The following SRFBP1 variants were observed in gnomAD, a reference collection of about 807,000 sequenced individuals.
SRFBP1 encodes serum response factor-binding protein 1.
A neutral mutation model predicts 45.5 loss-of-function variants in SRFBP1; 47 were observed. The ratio of observed to expected loss-of-function variants is 1.03; its 90% CI spans 0.82 to 1.32. SRFBP1 has a LOEUF of 1.32. Among genes scored for constraint, SRFBP1 ranks in the 40% most tolerant of loss-of-function variants. The pLI is 0.00. For missense variants in SRFBP1, 621 were observed against 484.6 expected, an observed-to-expected ratio of 1.28 and a Z score of -2.64; for synonymous variants, 203 against 166.3, an observed-to-expected ratio of 1.22 and a Z score of -1.70.
chr5:121,990,003 T>C (rs969921204), intron 3 of SRFBP1, among the ~76,000 whole-genome samples: 1 of 152,112 alleles, frequency 6.6e-6, no homozygotes, highest in African/African-American at 2.4e-5. Context: ...TTACTGATTT[T>C]ATTTTTCCTC....
chr5:122,019,691 ATATC>A (rs1199113678), intron 5 of SRFBP1, among the ~76,000 whole-genome samples: 8 of 151,360 alleles, frequency 5.3e-5, no homozygotes, highest in African/African-American at 1.9e-4. Context: ...ATTATAAAAT[ATATC>A]TATAAAATGA....
chr5:122,041,175 G>A (rs2112730094), intron 2 of SRFBP1, among the ~76,000 whole-genome samples: 1 of 152,190 alleles, frequency 6.6e-6, no homozygotes, highest in South Asian at 2.1e-4. Flanking sequence ...AAGTGGCTTG[G>A]GCTTGAGTAG....
chr5:122,040,827 A>G (rs907901434), intron 2 of SRFBP1, among the ~76,000 whole-genome samples: 4 of 152,120 alleles, frequency 2.6e-5, no homozygotes, highest in African/African-American at 9.7e-5. Flanking sequence ...TCCCTCCCTC[A>G]ATTTTTCAGA....
chr5:122,003,048 A>G (rs917125173), intron 4 of SRFBP1, among the ~76,000 whole-genome samples: 1 of 152,192 alleles, frequency 6.6e-6, no homozygotes, highest in Non-Finnish European at 1.5e-5. Flanking sequence ...TAATTCATTC[A>G]TAAAGAGAAG....
At chr5:122,021,030 A>G (rs888293602) in intron 6 of SRFBP1, among the ~76,000 whole-genome samples, 10 of 152,220 alleles carry the variant, frequency 6.6e-5, no homozygotes. Context: ...GCCAAATAAT[A>G]TGCCAGCTAA....
chr5:122,048,020 A>G (rs1322377912), intron 2 of SRFBP1, among the ~76,000 whole-genome samples: 2 of 152,054 alleles, frequency 1.3e-5, no homozygotes, highest in African/African-American at 4.8e-5. Context: ...CTCTTTTCCT[A>G]ATTGAGTACC....
At chr5:121,976,299 C>T (rs781316733) in intron 3 of SRFBP1, among the ~76,000 whole-genome samples, 31 of 151,824 alleles carry the variant, frequency 2.0e-4, no homozygotes, top group Non-Finnish European at 4.4e-4. Flanking sequence ...TTCTTCCTTC[C>T]CTCTGCTGCA....
At chr5:121,992,748 C>T (rs1752643867) in intron 3 of SRFBP1, among the ~76,000 whole-genome samples, 1 of 152,064 alleles carries the variant, frequency 6.6e-6, no homozygotes, top group African/African-American at 2.4e-5. Context: ...ATGTTTTCCA[C>T]TTATTAGCCC....
At chr5:122,041,097 A>G (rs1230244283) in intron 2 of SRFBP1, among the ~76,000 whole-genome samples, 3 of 152,182 alleles carry the variant, frequency 2.0e-5, no homozygotes, top group East Asian at 1.9e-4. Flanking sequence ...CAGTTTATCA[A>G]TGACTCATAT....
At chr5:121,988,749 AG>A (rs1408777335) in intron 3 of SRFBP1, among the ~76,000 whole-genome samples, 1 of 152,242 alleles carries the variant, frequency 6.6e-6, no homozygotes, top group Non-Finnish European at 1.5e-5. Context: ...TGTGGCCCAC[AG>A]ACTCAGAGGT....
chr5:121,993,230 T>C (rs1392772692), intron 3 of SRFBP1, among the ~76,000 whole-genome samples: 1 of 152,116 alleles, frequency 6.6e-6, no homozygotes, highest in Non-Finnish European at 1.5e-5. Flanking sequence ...GTTGGCAAAA[T>C]TACCTGCCTG....
At chr5:122,049,741 A>G (rs1034859965) in intron 2 of SRFBP1, among the ~76,000 whole-genome samples, 3 of 152,200 alleles carry the variant, frequency 2.0e-5, no homozygotes, top group South Asian at 2.1e-4. Context: ...ACCGCCAACT[A>G]CATGGAAACT....
At chr5:121,981,895 T>G (rs952986685) in intron 3 of SRFBP1, among the ~76,000 whole-genome samples, 1 of 152,042 alleles carries the variant, frequency 6.6e-6, no homozygotes, top group Non-Finnish European at 1.5e-5. Flanking sequence ...TAATTGTTCC[T>G]AACACCTAGT....
intron 2 of SRFBP1, among the ~76,000 whole-genome samples, chr5:122,072,113 G>A (rs1422996690): frequency 6.6e-6 from 1 of 152,138 alleles, no homozygotes; most frequent in Non-Finnish European, 1.5e-5. Context: ...CTACCACAAT[G>A]TTCATGACAT....
Position 121,972,494 on chromosome 5 carries a change from ATGAAT to A in SRFBP1, c.37-1700_37-1696del, listed in dbSNP as rs1379381806. Among the ~76,000 whole-genome samples, 3 of 151,914 alleles carry A rather than the reference ATGAAT, an allele frequency of 2.0e-5. No individual in the cohort carries two copies. In the East Asian group the frequency reaches 5.8e-4, roughly 29 times the overall value. On this transcript the variant is annotated intron_variant, in intron 1 of 7. Coordinates refer to ENST00000339397, the MANE Select transcript of SRFBP1 (RefSeq NM_152546.3). ...GGGGGTCCACTTGAGGTTAATTATG[ATGAAT>A]TTATAGTAGACAGAATGTTACAAGT...
chr5:122,068,903 T>C (rs772899736), intron 2 of SRFBP1, among the ~76,000 whole-genome samples: 8 of 152,020 alleles, frequency 5.3e-5, no homozygotes, highest in Middle Eastern at 3.4e-3. Flanking sequence ...GTGCAAATTA[T>C]TTTAGCTTAA....
At chr5:121,975,992 C>G (rs1318399631) in intron 3 of SRFBP1, among the ~76,000 whole-genome samples, 1 of 151,794 alleles carries the variant, frequency 6.6e-6, no homozygotes, top group Non-Finnish European at 1.5e-5. Context: ...GTCTGGGAGA[C>G]TGTTTTACTG....
chr5:122,051,564 A>T (rs1274326048), intron 2 of SRFBP1, among the ~76,000 whole-genome samples: 2 of 151,342 alleles, frequency 1.3e-5, no homozygotes, highest in African/African-American at 4.9e-5. Flanking sequence ...GTTTTGTCTG[A>T]AATTAGGATT....
intron 2 of SRFBP1, among the ~76,000 whole-genome samples, chr5:122,050,814 G>T (rs940273674): frequency 5.9e-5 from 9 of 151,772 alleles, no homozygotes; most frequent in Admixed American, 1.3e-4. Context: ...GCATGCTCTT[G>T]TTTCTCTAGT....
Sources: allele counts gnomAD v4.1 joint callset (sites outside exome capture counted in the v4.1 genomes callset), GRCh38; gene constraint gnomAD v4.1.1; transcripts MANE v1.5; gene names NCBI Gene and HGNC (gene_info 2026-07-23, HGNC 2026-07-21).